TRIM5: variants seen among roughly 807,000 people sequenced by gnomAD.
The protein encoded by TRIM5 is tripartite motif-containing protein 5.
In TRIM5, 31 loss-of-function variants were observed where a neutral mutation model predicts 35.6. The ratio of observed to expected loss-of-function variants is 0.87; its 90% CI spans 0.65 to 1.18. The LOEUF is 1.18. Ranked by LOEUF, TRIM5 falls within the 50% of genes most tolerant of loss-of-function variation. TRIM5 has a pLI of 0.00. For synonymous variants in TRIM5, 243 were observed against 215.6 expected (o/e 1.13, Z -1.11); for missense variants, 609 against 591.6 (o/e 1.03, Z -0.31).
the TRIM5 span, among the ~76,000 whole-genome samples, chr11:5,654,558 AG>A: frequency 6.6e-6 from 1 of 152,106 alleles, no homozygotes; most frequent in East Asian, 1.9e-4. Context: ...TGGTGGTGCC[AG>A]GGGCCAGGCA....
chr11:5,600,505 G>A, the TRIM5 span, among the ~76,000 whole-genome samples: 2 of 152,060 alleles, frequency 1.3e-5, no homozygotes, highest in Non-Finnish European at 1.5e-5. Flanking sequence ...CAGCAGGGCC[G>A]CTAGGAGGCT....
chr11:5,592,201 C>T, the TRIM5 span, among the ~76,000 whole-genome samples: 1 of 152,178 alleles, frequency 6.6e-6, no homozygotes, highest in Non-Finnish European at 1.5e-5. Context: ...TGAATATATG[C>T]ACAGCAAAAT....
chr11:5,684,312 T>G (rs2134153533), intron 1 of TRIM5, among the ~76,000 whole-genome samples: 1 of 152,298 alleles, frequency 6.6e-6, no homozygotes, highest in South Asian at 2.1e-4. Flanking sequence ...GGAGGGGGCT[T>G]TAGAGAAGGA....
chr11:5,632,107 G>T, the TRIM5 span: 1 of 1,114,118 alleles, frequency 9.0e-7, no homozygotes, highest in Non-Finnish European at 1.2e-6. Flanking sequence ...TTAACAGCTC[G>T]CCCAGACCAC....
At chr11:5,647,999 G>A in the TRIM5 span, among the ~76,000 whole-genome samples, 3 of 151,948 alleles carry the variant, frequency 2.0e-5, no homozygotes, top group Admixed American at 6.6e-5. Context: ...GTTTTAGAAT[G>A]CTCAAACCCT....
the TRIM5 span, chr11:5,611,685 G>C: frequency 8.9e-6 from 2 of 223,986 alleles, no homozygotes; most frequent in South Asian, 1.5e-4. Flanking sequence ...ACTCCTGACC[G>C]CAAGTGATCC....
At chr11:5,603,657 T>C in the TRIM5 span, 7 of 1,613,328 alleles carry the variant, frequency 4.3e-6, 1 homozygote, top group South Asian at 7.7e-5. Context: ...GGAAGGTCAT[T>C]TGCTGGCTTT....
chr11:5,618,458 T>C, the TRIM5 span, among the ~76,000 whole-genome samples: 1 of 152,226 alleles, frequency 6.6e-6, no homozygotes, highest in African/African-American at 2.4e-5. Context: ...TAGACTCCTA[T>C]ATTACTCATA....
At chr11:5,647,194 C>A in the TRIM5 span, among the ~76,000 whole-genome samples, 1 of 152,028 alleles carries the variant, frequency 6.6e-6, no homozygotes, top group Non-Finnish European at 1.5e-5. Context: ...CAATACTTGG[C>A]AAAGGGGATT....
the TRIM5 span, among the ~76,000 whole-genome samples, chr11:5,607,371 C>G: frequency 2.6e-5 from 4 of 152,168 alleles, no homozygotes; most frequent in Non-Finnish European, 5.9e-5. Flanking sequence ...TGCAAATTGA[C>G]ACACACAGCA....
At chr11:5,648,985 C>G in the TRIM5 span, among the ~76,000 whole-genome samples, 1 of 152,118 alleles carries the variant, frequency 6.6e-6, no homozygotes, top group Non-Finnish European at 1.5e-5. Context: ...GTGTACTAAA[C>G]CAGTATAGGT....
At chr11:5,614,786 G>A in the TRIM5 span, among the ~76,000 whole-genome samples, 1 of 152,112 alleles carries the variant, frequency 6.6e-6, no homozygotes, top group African/African-American at 2.4e-5. Context: ...AGGGGAAGAG[G>A]ACTGTCTTAA....
At chr11:5,682,967 CG>C (rs1030612876) in intron 1 of TRIM5, among the ~76,000 whole-genome samples, 5 of 152,202 alleles carry the variant, frequency 3.3e-5, no homozygotes, top group African/African-American at 1.2e-4. Flanking sequence ...GAGCGGGAAC[CG>C]GGGCTGCGCG....
At chr11:5,619,478 G>C in the TRIM5 span, among the ~76,000 whole-genome samples, 2 of 145,558 alleles carry the variant, frequency 1.4e-5, no homozygotes, top group East Asian at 4.4e-4. Flanking sequence ...TGCCAGAAAA[G>C]AAAGGATCTT....
chr11:5,677,798 TA>T (rs758377962), intron 4 of TRIM5: 28 of 153,180 alleles, frequency 1.8e-4, no homozygotes, highest in East Asian at 1.1e-3. Context: ...TTCAGAAAAT[TA>T]AAAAAAAAGG....
At chr11:5,645,733 C>T in the TRIM5 span, 1 of 193,556 alleles carries the variant, frequency 5.2e-6, no homozygotes. Flanking sequence ...TGATGAGGGT[C>T]AAGTCTAGGA....
the TRIM5 span, chr11:5,605,522 G>A: frequency 1.1e-5 from 17 of 1,614,046 alleles, no homozygotes; most frequent in African/African-American, 2.7e-5. Context: ...AGCTCATCTC[G>A]GATCTGGAGC....
At chr11:5,613,842 C>CTAACT in the TRIM5 span, among the ~76,000 whole-genome samples, 15 of 152,074 alleles carry the variant, frequency 9.9e-5, no homozygotes, top group African/African-American at 3.6e-4. Context: ...AAGTTTGATG[C>CTAACT]TAACTTAAAA....
At chr11:5,593,817 A>G in the TRIM5 span, among the ~76,000 whole-genome samples, 2 of 152,174 alleles carry the variant, frequency 1.3e-5, no homozygotes, top group African/African-American at 4.8e-5. Context: ...GTATTCAGGA[A>G]CTTGGGGCTG....
Sources: allele counts gnomAD v4.1 joint callset (sites outside exome capture counted in the v4.1 genomes callset), GRCh38; gene constraint gnomAD v4.1.1; transcripts MANE v1.5; gene names NCBI Gene and HGNC (gene_info 2026-07-23, HGNC 2026-07-21).